SDHA: variants seen among roughly 807,000 people sequenced by gnomAD.
SDHA encodes succinate dehydrogenase [ubiquinone] flavoprotein subunit, mitochondrial.
A neutral mutation model predicts 78.4 loss-of-function variants in SDHA; 48 were observed. That is an observed-to-expected ratio of 0.61 (90% CI 0.49 to 0.78). The LOEUF is 0.78. SDHA is among the 30% of genes least tolerant of loss of function. SDHA has a pLI of 0.00. For missense variants in SDHA, 680 were observed against 892.7 expected, an observed-to-expected ratio of 0.76 and a Z score of 3.04; for synonymous variants, 326 against 353.9, an observed-to-expected ratio of 0.92 and a Z score of 0.88.
chr5:241,743 T>C (rs1468050015), intron 11 of SDHA, among the ~76,000 whole-genome samples: 2 of 152,250 alleles, frequency 1.3e-5, no homozygotes, highest in Admixed American at 1.3e-4. Flanking sequence ...TATGTGGTGT[T>C]AGACACAGGA....
intron 1 of SDHA, among the ~76,000 whole-genome samples, chr5:220,664 A>G (rs1369895878): frequency 1.3e-5 from 2 of 151,836 alleles, no homozygotes; most frequent in Non-Finnish European, 1.5e-5. Context: ...CAAGTCCAGG[A>G]TCCAGAGCCA....
intron 4 of SDHA, 22 bp from the exon 5 acceptor site, chr5:225,861 T>C (rs750177090): frequency 2.1e-5 from 34 of 1,612,012 alleles, no homozygotes; most frequent in Non-Finnish European, 2.7e-5. Flanking sequence ...TTAAGGTTTT[T>C]GTTTGTTTTT....
intron 1 of SDHA, among the ~76,000 whole-genome samples, chr5:219,098 A>G (rs1734560725): frequency 6.6e-6 from 1 of 152,228 alleles, no homozygotes; most frequent in Non-Finnish European, 1.5e-5. Flanking sequence ...TGCCACCAAA[A>G]ATGTGCCAGT....
At chr5:240,607 G>A (rs1736077696) in intron 11 of SDHA, 131 bp downstream of exon 11, 2 of 712,258 alleles carry the variant, frequency 2.8e-6, no homozygotes, top group Admixed American at 2.0e-5. Flanking sequence ...GGAGGTGGTG[G>A]AGTCTGGGCT....
rs1254192234 is a variant in SDHA, at chr5:247,730, C to G, written c.1552-3262C>G. On this transcript the variant is annotated intron_variant, in intron 11 of 14. Coordinates refer to ENST00000264932, the MANE Select transcript of SDHA (RefSeq NM_004168.4). ...CATGCCAATCAGGAGAGTCTTCTGC[C>G]TACGTTAAACGTCACCTTTTGCAGT... Among the ~76,000 whole-genome samples the G allele has an allele frequency of 2.0e-5, 3 of 152,342 alleles. No homozygotes were observed. The East Asian group carries it at 5.8e-4, about 29-fold the overall frequency.
chr5:242,890 GA>G (rs1736233416), intron 11 of SDHA, among the ~76,000 whole-genome samples: 2 of 152,182 alleles, frequency 1.3e-5, no homozygotes, highest in African/African-American at 4.8e-5. Flanking sequence ...AGTAACAGAA[GA>G]AATTACAGAG....
chr5:244,238 T>C (rs112673290), intron 11 of SDHA, among the ~76,000 whole-genome samples: 6,361 of 151,218 alleles, frequency 0.042, 1 homozygote, highest in Middle Eastern at 0.052. Context: ...AGTCTTCTGC[T>C]TGGGGAACCC....
In SDHA at chr5:240,849, A is replaced by G. The variant is rs74292135; in HGVS notation, c.1551+373A>G. On this transcript the variant is annotated intron_variant, in intron 11 of 14. Coordinates refer to ENST00000264932, the MANE Select transcript of SDHA (RefSeq NM_004168.4). ...CATCCGTGTGGCTGCAGAAGACATG[A>G]TTGCGTTCTTTTTTTATGGCCGAGT... Among the ~76,000 whole-genome samples, 241 of 152,186 alleles carry G rather than the reference A, an allele frequency of 1.6e-3. 6 individuals are homozygous for G. The East Asian group carries it at 0.044, about 28-fold the overall frequency.
chr5:258,279 C>G (rs1431860325), downstream of SDHA, among the ~76,000 whole-genome samples: 10 of 123,966 alleles, frequency 8.1e-5, 1 homozygote, highest in Non-Finnish European at 1.4e-4. Flanking sequence ...TAGAGCATTA[C>G]TATGTGAGCT....
At chr5:231,795 T>C (rs1735419962) in intron 7 of SDHA, among the ~76,000 whole-genome samples, 1 of 151,502 alleles carries the variant, frequency 6.6e-6, no homozygotes. Context: ...GGAGCTTCTG[T>C]GACAATGGGA....
chr5:221,634 T>C (rs938292881), intron 1 of SDHA, among the ~76,000 whole-genome samples: 50 of 137,270 alleles, frequency 3.6e-4, no homozygotes, highest in African/African-American at 1.5e-3. Flanking sequence ...ATGTTCCCCA[T>C]TTTTTTTCTT....
intron 1 of SDHA, chr5:220,389 C>A (rs373972917): frequency 2.6e-6 from 1 of 381,726 alleles, no homozygotes. Context: ...TGTTCTAGGA[C>A]AAATTGATTT....
chr5:244,982 G>A (rs1237415017), intron 11 of SDHA, among the ~76,000 whole-genome samples: 1 of 152,146 alleles, frequency 6.6e-6, no homozygotes, highest in Admixed American at 6.5e-5. Flanking sequence ...TTCCTGCCAA[G>A]GTTTAGGATA....
chr5:267,604 T>C, the SDHA span, among the ~76,000 whole-genome samples: 1 of 152,354 alleles, frequency 6.6e-6, no homozygotes, highest in South Asian at 2.1e-4. Context: ...CAGAAACATT[T>C]AGAAAAATTC....
chr5:239,556 A>G (rs1426386083), intron 10 of SDHA, among the ~76,000 whole-genome samples: 1 of 114,650 alleles, frequency 8.7e-6, no homozygotes, highest in South Asian at 3.0e-4. Context: ...ACAAAATTCC[A>G]TCTCAAAAAA....
intron 6 of SDHA, 120 bp downstream of exon 6, chr5:228,453 A>G (rs760608915): frequency 2.1e-5 from 24 of 1,127,256 alleles, no homozygotes; most frequent in Non-Finnish European, 3.1e-5. Flanking sequence ...AGGCCTTGAT[A>G]TAACCATGTG....
At chr5:257,846 CTG>C (rs1238520866), downstream of SDHA, among the ~76,000 whole-genome samples, 12 of 26,290 alleles carry the variant, frequency 4.6e-4, no homozygotes, top group African/African-American at 1.8e-3. Flanking sequence ...CAGAGCATTA[CTG>C]TGTGAGCTCC....
intron 5 of SDHA, among the ~76,000 whole-genome samples, chr5:226,745 T>C (rs1344503653): frequency 3.3e-5 from 5 of 151,820 alleles, no homozygotes; most frequent in African/African-American, 1.2e-4. Context: ...TGCCTAACAC[T>C]GTGAAACCCC....
rs1060505009 is a variant in SDHA, at chr5:251,051, G to A, written c.1611G>A (p.Gly537=). Residue 537 remains glycine, a synonymous_variant, in exon 12 of 15, where the codon GGG becomes GGA. Transcript: ENST00000264932. ...GAAGCGTGTTGCAAGAAGGTTGTGG[G>A]AAAATCAGCAAGCTCTATGGAGACC... The part of the protein sequence containing the change: ...RVGSVLQEGC[G]KISKLYGDLK... 12 of 1,611,916 alleles carry A rather than the reference G, an allele frequency of 7.4e-6. No homozygotes were observed. The highest frequency in any genetic ancestry group is 4.5e-4 in the Middle Eastern group (2 of 4,452).
Sources: gnomAD v4.1 joint callset for allele counts (sites outside exome capture counted in the v4.1 genomes callset) on GRCh38, gnomAD v4.1.1 for gene constraint, MANE v1.5 for transcripts, NCBI Gene and HGNC (gene_info 2026-07-23, HGNC 2026-07-21) for gene names.